Variants in NUP107 observed in about 807,000 individuals in gnomAD.
NUP107 encodes nuclear pore complex protein Nup107.
Under a neutral mutation model 141.0 loss-of-function variants are expected in NUP107, and 101 were observed. The ratio of observed to expected loss-of-function variants is 0.72; its 90% confidence interval spans 0.61 to 0.84. NUP107 has a LOEUF of 0.84. Among genes scored for constraint, NUP107 ranks in the 40% least tolerant of loss-of-function variants. The pLI, the probability that NUP107 is intolerant of heterozygous loss-of-function variation, is 0.00. For missense variants in NUP107, 941 were observed against 1,102.7 expected, an observed-to-expected ratio of 0.85 and a Z score of 2.08; for synonymous variants, 319 against 363.9, an observed-to-expected ratio of 0.88 and a Z score of 1.41.
chr12:68,728,321 G>A (rs958871074), intron 20 of NUP107, among the ~76,000 whole-genome samples: 2 of 151,076 alleles, frequency 1.3e-5, no homozygotes, highest in Non-Finnish European at 2.9e-5. Context: ...GCCAGACGTG[G>A]TGGCTTGCGC....
intron 8 of NUP107, among the ~76,000 whole-genome samples, chr12:68,703,451 T>C (rs1240628990): frequency 1.3e-5 from 2 of 151,896 alleles, no homozygotes; most frequent in African/African-American, 4.8e-5. Context: ...ACTGAGAGTT[T>C]GTTTGTTTTT....
At chr12:68,733,728 A>G in intron 24 of NUP107, 116 bp downstream of exon 24, 1 of 994,438 alleles carries the variant, frequency 1.0e-6, no homozygotes, top group Admixed American at 2.3e-5. Flanking sequence ...CTCTCTTGTG[A>G]CTATAGTGCT....
intron 9 of NUP107, 97 bp from the exon 10 acceptor site, chr12:68,709,908 C>A: frequency 2.9e-6 from 2 of 697,356 alleles, no homozygotes; most frequent in Non-Finnish European, 4.9e-6. Flanking sequence ...AATAAAAAAT[C>A]TGAAACTGTT....
rs1374714224 is a variant in NUP107 at position 68,731,844 on chromosome 12, G to A, written c.1998+125G>A. 1.6e-5 allele frequency: 9 copies of A among 566,258 alleles called. No individual in the cohort carries two copies. The Admixed American group carries it at 2.7e-4, about 17-fold the overall frequency. The allele number at this position is 566,258 out of a possible 1,614,324, so 35.1% of individuals were successfully genotyped here. ...TTTTCTTTTTTAAGAATGTGTCTTTGTCAGCCCAGACCTTTTAAATTTAAA... is the reference window on the plus strand; with the variant it reads ...TTTTCTTTTTTAAGAATGTGTCTTTATCAGCCCAGACCTTTTAAATTTAAA... On this transcript the variant is annotated intron_variant, in intron 22 of 27. Transcript: ENST00000229179.
chr12:68,724,710 G>A (rs1322013682), intron 17 of NUP107, among the ~76,000 whole-genome samples: 1 of 152,150 alleles, frequency 6.6e-6, no homozygotes, highest in Non-Finnish European at 1.5e-5. Flanking sequence ...AGCCCAGGGA[G>A]GTGGAGGCTG....
intron 20 of NUP107, among the ~76,000 whole-genome samples, chr12:68,727,888 T>C (rs1191284021): frequency 6.6e-6 from 1 of 152,174 alleles, no homozygotes; most frequent in Non-Finnish European, 1.5e-5. Context: ...AAAAAATTTA[T>C]GCAGAAGTGG....
intron 3 of NUP107, 24 bp from the exon 4 acceptor site, chr12:68,690,607 T>C (rs1439382469): frequency 6.2e-7 from 1 of 1,614,146 alleles, no homozygotes; most frequent in South Asian, 1.1e-5. Flanking sequence ...CTTTAGGTTC[T>C]TTCTACCAAC....
At chr12:68,717,599 A>G (rs1877168542) in intron 12 of NUP107, among the ~76,000 whole-genome samples, 3 of 152,114 alleles carry the variant, frequency 2.0e-5, no homozygotes, top group Non-Finnish European at 4.4e-5. Context: ...AACCATCACC[A>G]CTGTCTGTTT....
intron 17 of NUP107, among the ~76,000 whole-genome samples, chr12:68,724,974 A>C (rs897453703): frequency 6.6e-6 from 1 of 152,232 alleles, no homozygotes; most frequent in Non-Finnish European, 1.5e-5. Context: ...AACAGATGTC[A>C]GAGGTGACAT....
intron 26 of NUP107, among the ~76,000 whole-genome samples, chr12:68,741,439 A>G (rs572059250): frequency 6.6e-6 from 1 of 152,254 alleles, no homozygotes; most frequent in East Asian, 1.9e-4. Context: ...TTTCCCAGCA[A>G]CAGTCATTGC....
intron 12 of NUP107, 52 bp downstream of exon 12, chr12:68,715,792 G>GA: frequency 9.0e-7 from 1 of 1,110,104 alleles, no homozygotes; most frequent in Non-Finnish European, 1.3e-6. Flanking sequence ...TAGACTCTTT[G>GA]AGTTGGAAGA....
chr12:68,701,829 GAA>G (rs926723963), intron 7 of NUP107, among the ~76,000 whole-genome samples: 5 of 151,748 alleles, frequency 3.3e-5, no homozygotes, highest in Non-Finnish European at 5.9e-5. Flanking sequence ...TTTTGTTTTT[GAA>G]AAAGAGTCTC....
Position 68,721,082 on chromosome 12 carries a change from A to T in NUP107, c.1252-36A>T, listed in dbSNP as rs374462316. Reference sequence around the variant, plus strand: ...GGAAAATTGACATACTAAGAAAAACAATATTTCAAATTTGTTTATATTCAT... The same window carrying T: ...GGAAAATTGACATACTAAGAAAAACTATATTTCAAATTTGTTTATATTCAT... On this transcript the variant is annotated intron_variant, in intron 14 of 27. Transcript: ENST00000229179. The T allele has an allele frequency of 3.6e-4, 503 of 1,390,466 alleles. 1 individual carries two copies. The African/African-American group carries it at 6.1e-3, about 17-fold the overall frequency. The allele number at this position is 1,390,466 out of a possible 1,614,324, so 86.1% of individuals were successfully genotyped here. A position where few individuals can be genotyped will look rare whatever the true frequency, so the allele number is the denominator to read the frequency against.
intron 2 of NUP107, 80 bp downstream of exon 2, chr12:68,689,133 A>T: frequency 9.3e-7 from 1 of 1,071,288 alleles, no homozygotes; most frequent in Non-Finnish European, 1.4e-6. Context: ...TTTTTATAAG[A>T]GTATTAAATG....
chr12:68,687,815 T>C, intron 1 of NUP107: 1 of 225,904 alleles, frequency 4.4e-6, no homozygotes, highest in Non-Finnish European at 7.4e-6. Context: ...ATGGGTACTG[T>C]TATCCTTTTT....
At chr12:68,733,767 G>T (rs1264534977) in intron 24 of NUP107, among the ~76,000 whole-genome samples, 155 bp downstream of exon 24, 1 of 152,184 alleles carries the variant, frequency 6.6e-6, no homozygotes, top group Non-Finnish European at 1.5e-5. Context: ...CTGACTTCAT[G>T]ACCTTATCTT....
rs376466489 is a variant in NUP107, at chr12:68,731,601, A to G, written c.1886-6A>G. On this transcript the variant is annotated splice_region_variant and splice_polypyrimidine_tract_variant and intron_variant, in intron 21 of 27. Transcript: ENST00000229179. Reference sequence around the variant, plus strand: ...TTGTTTTTTGTCGCTTCAAAAAATTATTTAGATTTGGATGTTGCAACAATA... The same window carrying G: ...TTGTTTTTTGTCGCTTCAAAAAATTGTTTAGATTTGGATGTTGCAACAATA... The G allele has an allele frequency of 1.7e-5, 25 of 1,511,548 alleles. No homozygotes were observed. Among genetic ancestry groups the G allele is most frequent in the Admixed American group, 4.8e-5 (2 of 41,836 alleles). The allele number at this position is 1,511,548 out of a possible 1,614,324, so 93.6% of individuals were successfully genotyped here. A position where few individuals can be genotyped will look rare whatever the true frequency, so the allele number is the denominator to read the frequency against.
rs766984596 is a variant in NUP107 at position 68,715,709 on chromosome 12, TTACTC to T, written c.1055_1059del (p.Thr352AsnfsTer14). 17 of 1,611,080 alleles carry T rather than the reference TTACTC, an allele frequency of 1.1e-5. No homozygotes were observed. Among genetic ancestry groups the T allele is most frequent in the African/African-American group, 2.7e-5 (2 of 74,870 alleles). ...GAAGTTAGATTACTCAAATATCTCTTTACTCTAATCCGTGCTGGAATGACAGAAGA... is the reference window on the plus strand; with the variant it reads ...GAAGTTAGATTACTCAAATATCTCTTTAATCCGTGCTGGAATGACAGAAGA... On this transcript the variant is annotated frameshift_variant, in exon 12 of 28. Transcript: ENST00000229179. LOFTEE classifies it high-confidence loss of function.
At chr12:68,691,823 G>C (rs1875800826) in intron 4 of NUP107, 145 bp from the exon 5 acceptor site, 5 of 647,722 alleles carry the variant, frequency 7.7e-6, no homozygotes, top group South Asian at 7.3e-5. Flanking sequence ...AACAGATCCA[G>C]ACCTTATCTC....
Sources: allele counts gnomAD v4.1 joint callset (sites outside exome capture counted in the v4.1 genomes callset), GRCh38; gene constraint gnomAD v4.1.1; transcripts MANE v1.5; gene names NCBI Gene and HGNC (gene_info 2026-07-23, HGNC 2026-07-21).